CORO2B: variants seen among roughly 807,000 people sequenced by gnomAD.
CORO2B encodes the protein coronin 2B.
In CORO2B, 26 loss-of-function variants were observed where a neutral mutation model predicts 58.8. The ratio of observed to expected loss-of-function variants is 0.44; its 90% CI spans 0.32 to 0.61. CORO2B has a LOEUF of 0.61. Among genes scored for constraint, CORO2B ranks in the 20% least tolerant of loss-of-function variants. CORO2B has a pLI of 0.04. For missense variants in CORO2B, 460 were observed against 645.1 expected (o/e 0.71, Z 3.11); for synonymous variants, 242 against 253.8 (o/e 0.95, Z 0.44).
intron 1 of CORO2B, among the ~76,000 whole-genome samples, chr15:68,636,796 C>T (rs1413920161): frequency 6.6e-6 from 1 of 152,188 alleles, no homozygotes; most frequent in Non-Finnish European, 1.5e-5. Context: ...TAGTAGCTAA[C>T]TGATGACTTT....
chr15:68,624,624 A>G (rs572913837), intron 1 of CORO2B, among the ~76,000 whole-genome samples: 1 of 151,628 alleles, frequency 6.6e-6, no homozygotes, highest in African/African-American at 2.4e-5. Flanking sequence ...CCTGGGGTCC[A>G]TGCCCAGAGA....
chr15:68,686,313 G>A (rs1233669270), intron 2 of CORO2B, among the ~76,000 whole-genome samples: 2 of 152,026 alleles, frequency 1.3e-5, no homozygotes, highest in Non-Finnish European at 2.9e-5. Flanking sequence ...TGGGATTACA[G>A]GAGTGAGCCA....
At chr15:68,585,486 C>T (rs1899527772) in intron 1 of CORO2B, among the ~76,000 whole-genome samples, 1 of 152,158 alleles carries the variant, frequency 6.6e-6, no homozygotes, top group Non-Finnish European at 1.5e-5. Flanking sequence ...GAGAGTGAGG[C>T]TTAGTGAGAG....
At chr15:68,635,692 G>T (rs1415147330) in intron 1 of CORO2B, among the ~76,000 whole-genome samples, 1 of 152,180 alleles carries the variant, frequency 6.6e-6, no homozygotes, top group Non-Finnish European at 1.5e-5. Context: ...AGGAAAAGTT[G>T]GGCCCAGAGG....
In CORO2B at chr15:68,645,632, A is replaced by G. The variant is rs1901400791; in HGVS notation, c.216+272A>G. Among the ~76,000 whole-genome samples, 1 of 152,088 alleles carries G rather than the reference A, an allele frequency of 6.6e-6. No individual in the cohort carries two copies. The highest frequency in any genetic ancestry group is 1.5e-5 in the Non-Finnish European group (1 of 68,014). ...ACTCCCTTGGTGTACACAAGGTTCCATTCCCTGAGGGAGTGGAACACTCTG... is the reference window on the plus strand; with the variant it reads ...ACTCCCTTGGTGTACACAAGGTTCCGTTCCCTGAGGGAGTGGAACACTCTG... On this transcript the variant is annotated intron_variant, in intron 2 of 11. Transcript: ENST00000261861. The surrounding 1 kb of genome is among the most constrained non-coding windows in gnomAD (Gnocchi z 4.5).
chr15:68,576,715 A>G (rs1899295894), upstream of CORO2B, among the ~76,000 whole-genome samples: 1 of 152,118 alleles, frequency 6.6e-6, no homozygotes, highest in South Asian at 2.1e-4. Context: ...TGAGACAGGG[A>G]ATCTGACTCT....
the CORO2B span, among the ~76,000 whole-genome samples, chr15:68,543,569 A>T: frequency 1.3e-5 from 2 of 152,102 alleles, no homozygotes; most frequent in Non-Finnish European, 2.9e-5. Flanking sequence ...GAGAATAACT[A>T]AAAAATGCAA....
At chr15:68,701,050 T>G (rs1335537640) in intron 3 of CORO2B, among the ~76,000 whole-genome samples, 1 of 152,124 alleles carries the variant, frequency 6.6e-6, no homozygotes, top group Non-Finnish European at 1.5e-5. Context: ...CCACCCTGCC[T>G]CCTGCACACC....
At chr15:68,558,906 C>T in the CORO2B span, among the ~76,000 whole-genome samples, 2 of 152,124 alleles carry the variant, frequency 1.3e-5, no homozygotes, top group Admixed American at 6.5e-5. Context: ...GTACACACCG[C>T]GGGGAGGTGT....
At chr15:68,563,206 G>A in the CORO2B span, among the ~76,000 whole-genome samples, 1 of 151,820 alleles carries the variant, frequency 6.6e-6, no homozygotes, top group Non-Finnish European at 1.5e-5. Flanking sequence ...AGTAGAGACT[G>A]GCCAGGCACC....
chr15:68,662,613 T>G (rs758250644), intron 2 of CORO2B, among the ~76,000 whole-genome samples: 3 of 152,230 alleles, frequency 2.0e-5, no homozygotes, highest in Non-Finnish European at 2.9e-5. Context: ...ATGGAGATGA[T>G]TAGCCTCACA....
intron 5 of CORO2B, among the ~76,000 whole-genome samples, chr15:68,712,127 G>A (rs1170998114): frequency 1.3e-5 from 2 of 152,174 alleles, no homozygotes; most frequent in Non-Finnish European, 2.9e-5. Flanking sequence ...GGTGAACTTA[G>A]CTCCACTTTT....
At chr15:68,539,384 A>T in the CORO2B span, among the ~76,000 whole-genome samples, 1 of 152,236 alleles carries the variant, frequency 6.6e-6, no homozygotes, top group African/African-American at 2.4e-5. Context: ...TCTATCAATA[A>T]TTATCATGGC....
chr15:68,571,689 C>T, the CORO2B span, among the ~76,000 whole-genome samples: 1 of 152,120 alleles, frequency 6.6e-6, no homozygotes, highest in African/African-American at 2.4e-5. Flanking sequence ...AAACATTCGC[C>T]CAAGGCACTG....
chr15:68,641,689 G>A (rs1201291845), intron 1 of CORO2B: 1 of 592,882 alleles, frequency 1.7e-6, no homozygotes, highest in Non-Finnish European at 2.1e-6. Context: ...CTCCTCCCAA[G>A]CCCTTGGAGG....
Position 68,579,033 on chromosome 15 carries a change from T to C in CORO2B, c.-230T>C. 1.0e-6 allele frequency: 1 copy of C among 984,310 alleles called. No individual in the cohort carries two copies. Among genetic ancestry groups the C allele is most frequent in the Non-Finnish European group, 1.2e-6 (1 of 829,628 alleles). 61.0% of individuals were successfully genotyped at this position (984,310 alleles called of 1,614,324 possible). On this transcript the variant is annotated 5_prime_UTR_variant, in exon 1 of 12. Coordinates refer to ENST00000261861, the MANE Select transcript of CORO2B (RefSeq NM_006091.5). ...TCCTGCGGCGAAGGAGGCTCATCTATTATAAATGCACATTCGGGGCTGACA... is the reference window on the plus strand; with the variant it reads ...TCCTGCGGCGAAGGAGGCTCATCTACTATAAATGCACATTCGGGGCTGACA...
At chr15:68,602,679 C>A (rs550351717) in intron 1 of CORO2B, among the ~76,000 whole-genome samples, 4 of 151,856 alleles carry the variant, frequency 2.6e-5, no homozygotes, top group Admixed American at 6.5e-5. Flanking sequence ...TTATTGCCCC[C>A]CCTTGAGGTA....
In CORO2B at chr15:68,607,702, C is replaced by T. The variant is rs985757372; in HGVS notation, c.15+28425C>T. 2.6e-5 allele frequency among the ~76,000 whole-genome samples: 4 copies of T among 151,746 alleles called. 1 individual carries two copies. Among genetic ancestry groups the T allele is most frequent in the Admixed American group, 2.6e-4 (4 of 15,226 alleles). On this transcript the variant is annotated intron_variant, in intron 1 of 11. Transcript: ENST00000261861. ...GTGCAGTGATGCGTGCTTGTGGTCC[C>T]AGCTACTTGGGACGCTGAGGTGAGA...
At chr15:68,596,492 G>A (rs768889026) in intron 1 of CORO2B, among the ~76,000 whole-genome samples, 2 of 152,126 alleles carry the variant, frequency 1.3e-5, no homozygotes, top group Non-Finnish European at 1.5e-5. Context: ...TGCCTGCCAC[G>A]GAAAGCACAG....
Sources: gnomAD v4.1 joint callset for allele counts (sites outside exome capture counted in the v4.1 genomes callset) on GRCh38, gnomAD v4.1.1 for gene constraint, Gnocchi (gnomAD v3.1) non-coding constraint, MANE v1.5 for transcripts, NCBI Gene and HGNC (gene_info 2026-07-23, HGNC 2026-07-21) for gene names.